SEPTIN14: variants seen among roughly 807,000 people sequenced by gnomAD.
The protein encoded by SEPTIN14 is septin-14.
Under a neutral mutation model 53.6 loss-of-function variants are expected in SEPTIN14, and 40 were observed. The observed-to-expected ratio is 0.75, with a 90% CI of 0.58 to 0.97. The LOEUF is 0.97. SEPTIN14 is among the 50% of genes least tolerant of loss of function. The pLI, the probability that SEPTIN14 is intolerant of heterozygous loss-of-function variation, is 0.00. For missense variants in SEPTIN14, 471 were observed against 508.2 expected (o/e 0.93, Z 0.70); for synonymous variants, 138 against 166.8 (o/e 0.83, Z 1.33).
chr7:55,806,714 C>T (rs1788615993), intron 8 of SEPTIN14, among the ~76,000 whole-genome samples: 1 of 152,056 alleles, frequency 6.6e-6, no homozygotes. Context: ...CCGCCCGCCT[C>T]AGCCTCCCAA....
At chr7:55,798,409 G>C in intron 9 of SEPTIN14, 1 of 240,456 alleles carries the variant, frequency 4.2e-6, no homozygotes, top group Non-Finnish European at 8.2e-6. Context: ...GAGGAGCCCT[G>C]GGCCCCTCAG....
chr7:55,860,320 G>C (rs1043417463), intron 2 of SEPTIN14, among the ~76,000 whole-genome samples: 1 of 152,128 alleles, frequency 6.6e-6, no homozygotes, highest in Non-Finnish European at 1.5e-5. Flanking sequence ...ATATGCATCA[G>C]CTTAAAAAGT....
At chr7:55,859,826 A>G (rs1174073733) in intron 2 of SEPTIN14, among the ~76,000 whole-genome samples, 1 of 152,224 alleles carries the variant, frequency 6.6e-6, no homozygotes, top group East Asian at 1.9e-4. Flanking sequence ...AAAATATGGA[A>G]TCAACCTAAG....
chr7:55,836,550 C>T (rs1283940789), intron 5 of SEPTIN14, among the ~76,000 whole-genome samples: 1 of 152,110 alleles, frequency 6.6e-6, no homozygotes, highest in East Asian at 1.9e-4. Flanking sequence ...ACCAGCCTGA[C>T]CAACATGAAC....
At chr7:55,855,661 T>C (rs1789610591) in intron 2 of SEPTIN14, among the ~76,000 whole-genome samples, 1 of 152,154 alleles carries the variant, frequency 6.6e-6, no homozygotes, top group African/African-American at 2.4e-5. Flanking sequence ...GTTCAAGCAA[T>C]TCTCCTGACT....
chr7:55,846,944 T>C (rs931403017), intron 2 of SEPTIN14, among the ~76,000 whole-genome samples: 3 of 152,032 alleles, frequency 2.0e-5, no homozygotes, highest in Non-Finnish European at 4.4e-5. Context: ...TCCCAGCACT[T>C]TGGGAGGCTG....
At chr7:55,838,145 C>T (rs904505562) in intron 5 of SEPTIN14, among the ~76,000 whole-genome samples, 1 of 152,100 alleles carries the variant, frequency 6.6e-6, no homozygotes, top group African/African-American at 2.4e-5. Context: ...AGTCTCATAT[C>T]GATTTTGAGA....
intron 2 of SEPTIN14, among the ~76,000 whole-genome samples, chr7:55,854,578 C>T (rs1210587535): frequency 6.6e-6 from 1 of 152,024 alleles, no homozygotes; most frequent in Non-Finnish European, 1.5e-5. Flanking sequence ...CATAGGCACC[C>T]GCCACCACGC....
At position 55,855,716 on chromosome 7, in the gene SEPTIN14, A is replaced by G. The variant is rs572425715; in HGVS notation, c.54+6227T>C. ...GGTTATAGCCGTGCCACCACGCCCA[A>G]CTAATTTTTGTATTTTTAGTAGAGA... On this transcript the variant is annotated intron_variant, in intron 2 of 9. Transcript: ENST00000388975. Among the ~76,000 whole-genome samples, 222 of 151,914 alleles carry G rather than the reference A, an allele frequency of 1.5e-3. 1 individual carries two copies. Among genetic ancestry groups the G allele is most frequent in the African/African-American group, 5.0e-3 (207 of 41,454 alleles).
chr7:55,829,019 T>A (rs933608163), intron 6 of SEPTIN14, among the ~76,000 whole-genome samples: 16 of 152,072 alleles, frequency 1.1e-4, no homozygotes, highest in African/African-American at 3.6e-4. Flanking sequence ...TTATTTAAAT[T>A]TACTTTTTTT....
intron 6 of SEPTIN14, among the ~76,000 whole-genome samples, chr7:55,825,930 A>G (rs1387676727): frequency 1.3e-5 from 2 of 152,122 alleles, no homozygotes; most frequent in Admixed American, 6.5e-5. Flanking sequence ...GTGAAACCCC[A>G]TCTCTAATCA....
intron 6 of SEPTIN14, among the ~76,000 whole-genome samples, chr7:55,827,399 C>A (rs1230692470): frequency 6.6e-6 from 1 of 152,144 alleles, no homozygotes; most frequent in Non-Finnish European, 1.5e-5. Flanking sequence ...TGGCTCTTGG[C>A]TACGTTATGA....
At chr7:55,851,735 G>A (rs889718173) in intron 2 of SEPTIN14, among the ~76,000 whole-genome samples, 7 of 152,098 alleles carry the variant, frequency 4.6e-5, no homozygotes, top group South Asian at 2.1e-4. Flanking sequence ...TAGGCCGGGC[G>A]CGGTGGCTCA....
intron 2 of SEPTIN14, among the ~76,000 whole-genome samples, chr7:55,852,313 C>T (rs914628882): frequency 6.6e-6 from 1 of 152,060 alleles, no homozygotes; most frequent in Non-Finnish European, 1.5e-5. Context: ...ATAACCAAAA[C>T]AGCATGGTAC....
At chr7:55,814,887 G>A (rs990163996) in intron 7 of SEPTIN14, among the ~76,000 whole-genome samples, 77 of 152,032 alleles carry the variant, frequency 5.1e-4, no homozygotes, top group African/African-American at 1.6e-3. Context: ...ACCTGACTTC[G>A]AATTATACTA....
intron 6 of SEPTIN14, among the ~76,000 whole-genome samples, chr7:55,822,175 C>G (rs1029150763): frequency 2.0e-5 from 3 of 152,052 alleles, no homozygotes; most frequent in Admixed American, 1.3e-4. Flanking sequence ...GAGACACAGC[C>G]AAACCATATA....
intron 9 of SEPTIN14, among the ~76,000 whole-genome samples, chr7:55,797,148 G>A (rs78951372): frequency 0.056 from 8,525 of 151,884 alleles, 423 homozygotes; most frequent in East Asian, 0.18. Flanking sequence ...AAGAGAGAGA[G>A]AAAAGAAAGC....
intron 5 of SEPTIN14, among the ~76,000 whole-genome samples, chr7:55,840,212 G>A (rs562852077): frequency 4.4e-4 from 66 of 150,078 alleles, no homozygotes; most frequent in African/African-American, 1.6e-3. Flanking sequence ...TGTGAGGCCG[G>A]GCACAGTGAC....
rs1489801308 is a variant in SEPTIN14 at position 55,796,048 on chromosome 7, C to G, written c.1164G>C (p.Glu388Asp). ...TTTTCTCTTCCTCGAGCTTCCTTAT[C>G]TCCTCCTGTTGAATCATTTTAAGAT... ...FEHLKMIQQE[E>D]IRKLEEEKKQ... Residue 388 changes from glutamate to aspartate, a missense_variant, in exon 10 of 10, where the codon GAG becomes GAC. Physicochemically the swap from Glu to Asp is conservative, Grantham distance 45. Transcript: ENST00000388975. 1 of 1,504,752 alleles carries G rather than the reference C, an allele frequency of 6.6e-7. No homozygotes were observed. Among genetic ancestry groups the G allele is most frequent in the Admixed American group, 1.7e-5 (1 of 59,512 alleles). The allele number at this position is 1,504,752 out of a possible 1,614,324, so 93.2% of individuals were successfully genotyped here.
Sources: allele counts gnomAD v4.1 joint callset (sites outside exome capture counted in the v4.1 genomes callset), GRCh38; gene constraint gnomAD v4.1.1; transcripts MANE v1.5; gene names NCBI Gene and HGNC (gene_info 2026-07-23, HGNC 2026-07-21).